Variants in PPP4R2 observed in about 807,000 individuals in gnomAD.
PPP4R2 encodes the protein serine/threonine-protein phosphatase 4 regulatory subunit 2.
PPP4R2 carries 13 observed loss-of-function variants against 47.2 expected under a neutral mutation model. That is an observed-to-expected ratio of 0.28 (90% CI 0.18 to 0.44). PPP4R2 has a LOEUF of 0.44. PPP4R2 is among the 20% of genes least tolerant of loss of function. The pLI is 1.00. For missense variants in PPP4R2, 421 were observed against 491.2 expected (o/e 0.86, Z 1.35); for synonymous variants, 151 against 163.3 (o/e 0.92, Z 0.57).
At chr3:73,049,948 T>C (rs935999102) in intron 3 of PPP4R2, among the ~76,000 whole-genome samples, 2 of 151,644 alleles carry the variant, frequency 1.3e-5, no homozygotes, top group Non-Finnish European at 2.9e-5. Context: ...TGTTTTGTTT[T>C]ATTTTATTTA....
chr3:73,063,488 G>A (rs186885825), intron 5 of PPP4R2, among the ~76,000 whole-genome samples, 185 bp from the exon 6 acceptor site: 230 of 152,184 alleles, frequency 1.5e-3, no homozygotes, highest in Middle Eastern at 3.4e-3. Context: ...GCTGCGCATG[G>A]CATCACACGT....
chr3:73,047,311 A>G lies in PPP4R2; in HGVS notation c.242A>G (p.Asp81Gly), dbSNP rs1575875791. Reference protein sequence around the residue: ...PNPNVEYIPFDEMKERILKIV... With the variant: ...PNPNVEYIPFGEMKERILKIV... ...CCTAATGTCGAATATATTCCCTTTGATGAAATGAAGGAAAGAATACTGAAA... is the reference window on the plus strand; with the variant it reads ...CCTAATGTCGAATATATTCCCTTTGGTGAAATGAAGGAAAGAATACTGAAA... Residue 81 changes from aspartate to glycine, a missense_variant, in exon 3 of 9, where the codon GAT becomes GGT. Around this residue, in one of 2 missense-constraint regions of PPP4R2, gnomAD observed 104 missense variants for 203.7 expected, o/e 0.51. Transcript: ENST00000356692. 1 of 1,612,426 alleles carries G rather than the reference A, an allele frequency of 6.2e-7. No individual in the cohort carries two copies. Among genetic ancestry groups the G allele is most frequent in the Non-Finnish European group, 8.5e-7 (1 of 1,178,968 alleles).
intron 2 of PPP4R2, among the ~76,000 whole-genome samples, chr3:73,028,256 CAAAAAA>C (rs60279021): frequency 8.3e-6 from 1 of 120,480 alleles, no homozygotes. Flanking sequence ...GACTCCGTCT[CAAAAAA>C]AAAAAAAAAA....
At chr3:73,019,164 T>G (rs1701908462) in intron 2 of PPP4R2, among the ~76,000 whole-genome samples, 1 of 152,308 alleles carries the variant, frequency 6.6e-6, no homozygotes, top group Non-Finnish European at 1.5e-5. Context: ...CATTACAGGT[T>G]TGCAGGCTAG....
At chr3:73,056,109 T>G (rs1023353474) in intron 3 of PPP4R2, among the ~76,000 whole-genome samples, 11 of 152,238 alleles carry the variant, frequency 7.2e-5, no homozygotes, top group African/African-American at 2.4e-4. Flanking sequence ...TTTTGTATGC[T>G]ATGTCTAATG....
At position 73,068,512 on chromosome 3, in the gene PPP4R2, T is replaced by TA. The variant is rs1208913675; in HGVS notation, c.*2791dup. 3 of 152,222 alleles carry TA rather than the reference T, an allele frequency of 2.0e-5. No individual in the cohort carries two copies. Among genetic ancestry groups the TA allele is most frequent in the African/African-American group, 7.2e-5 (3 of 41,452 alleles). The allele number at this position is 152,222 out of a possible 1,614,324, so 9.4% of individuals were successfully genotyped here. A position where few individuals can be genotyped will look rare whatever the true frequency, so the allele number is the denominator to read the frequency against. ...AAAATGTCATATTTTAAATGTTGAT[T>TA]ATTAGATAAATTTAACCTGCTTAGG... On this transcript the variant is annotated 3_prime_UTR_variant, in exon 9 of 9. Transcript: ENST00000356692.
intron 2 of PPP4R2, among the ~76,000 whole-genome samples, chr3:73,006,921 A>C (rs1194407807): frequency 7.3e-6 from 1 of 136,348 alleles, no homozygotes; most frequent in Admixed American, 7.2e-5. Context: ...TCATGTGACT[A>C]TCAGTTTTTC....
At chr3:73,035,053 A>T (rs753853129) in intron 2 of PPP4R2, among the ~76,000 whole-genome samples, 7 of 152,236 alleles carry the variant, frequency 4.6e-5, no homozygotes, top group Non-Finnish European at 1.0e-4. Context: ...AGGGATTAAT[A>T]ACTAGAATAT....
At chr3:73,021,423 G>A (rs1487304209) in intron 2 of PPP4R2, among the ~76,000 whole-genome samples, 3 of 151,858 alleles carry the variant, frequency 2.0e-5, no homozygotes, top group Non-Finnish European at 4.4e-5. Flanking sequence ...TTTTTGTGGA[G>A]ATAGGGTTTT....
intron 2 of PPP4R2, among the ~76,000 whole-genome samples, chr3:73,025,974 G>T (rs1702055691): frequency 6.6e-6 from 1 of 152,122 alleles, no homozygotes; most frequent in Non-Finnish European, 1.5e-5. Context: ...GATAATATCT[G>T]TTCATCATTC....
chr3:73,024,728 A>G (rs7629834), intron 2 of PPP4R2, among the ~76,000 whole-genome samples: 20,547 of 152,054 alleles, frequency 0.14, 1,700 homozygotes, highest in East Asian at 0.36. Context: ...TTTAAGCTAA[A>G]GCATTTAAGA....
Position 73,067,268 on chromosome 3 carries a change from G to A in PPP4R2, c.*1546G>A, listed in dbSNP as rs1703016280. 1 of 152,036 alleles carries A rather than the reference G, an allele frequency of 6.6e-6. No individual in the cohort carries two copies. The highest frequency in any genetic ancestry group is 1.5e-5 in the Non-Finnish European group (1 of 67,956). The allele number at this position is 152,036 out of a possible 1,614,324, so 9.4% of individuals were successfully genotyped here. ...TTTCAGATACCTGAACTACACAGAT[G>A]AGCTTCTAAAACTGATGCAAACAGT... On this transcript the variant is annotated 3_prime_UTR_variant, in exon 9 of 9. Coordinates refer to ENST00000356692, the MANE Select transcript of PPP4R2 (RefSeq NM_174907.4).
At chr3:73,028,521 A>T (rs534290880) in intron 2 of PPP4R2, among the ~76,000 whole-genome samples, 3 of 151,860 alleles carry the variant, frequency 2.0e-5, no homozygotes, top group Non-Finnish European at 4.4e-5. Flanking sequence ...CAGTGGTGCA[A>T]TCTGTGCCTC....
At chr3:73,063,120 C>A in intron 5 of PPP4R2, 1 of 537,374 alleles carries the variant, frequency 1.9e-6, no homozygotes, top group Non-Finnish European at 3.3e-6. Context: ...TGTTCCCAAA[C>A]TTAGCAACAG....
chr3:73,036,967 A>AG (rs1291294916), intron 2 of PPP4R2, among the ~76,000 whole-genome samples: 2 of 152,226 alleles, frequency 1.3e-5, no homozygotes. Flanking sequence ...CACTTGTGGC[A>AG]GTGCTAACTC....
chr3:73,047,670 T>C (rs556868373), intron 3 of PPP4R2, among the ~76,000 whole-genome samples: 34 of 152,342 alleles, frequency 2.2e-4, no homozygotes, highest in Non-Finnish European at 4.0e-4. Context: ...TTTATATCAT[T>C]GAGAAATCAC....
chr3:73,035,694 G>A (rs558395005), intron 2 of PPP4R2, among the ~76,000 whole-genome samples: 10 of 151,880 alleles, frequency 6.6e-5, no homozygotes, highest in South Asian at 4.2e-4. Flanking sequence ...GCACAATCTC[G>A]GCTCACTGCA....
At chr3:73,020,212 T>C (rs1701930419) in intron 2 of PPP4R2, among the ~76,000 whole-genome samples, 1 of 152,178 alleles carries the variant, frequency 6.6e-6, no homozygotes, top group African/African-American at 2.4e-5. Flanking sequence ...TCATTTGTTT[T>C]TGAGACAGGG....
intron 2 of PPP4R2, among the ~76,000 whole-genome samples, chr3:73,044,257 A>C (rs543454510): frequency 6.6e-6 from 1 of 152,116 alleles, no homozygotes; most frequent in South Asian, 2.1e-4. Flanking sequence ...GGAGCAACCA[A>C]ACTGCTTTCC....
Sources: gnomAD v4.1 joint callset for allele counts (sites outside exome capture counted in the v4.1 genomes callset) on GRCh38, gnomAD v4.1.1 for gene constraint, gnomAD v4.1.1 regional missense constraint, MANE v1.5 for transcripts, NCBI Gene and HGNC (gene_info 2026-07-23, HGNC 2026-07-21) for gene names.